ALPK3: variants seen among roughly 807,000 people sequenced by gnomAD.
The protein encoded by ALPK3 is alpha kinase 3, also known as alpha-protein kinase 3.
Under a neutral mutation model 140.0 loss-of-function variants are expected in ALPK3, and 102 were observed. That is an observed-to-expected ratio of 0.73 (90% CI 0.62 to 0.86). The LOEUF (loss-of-function observed/expected upper bound fraction) is 0.86, where lower values mean the gene tolerates loss of function less well. Among genes scored for constraint, ALPK3 ranks in the 40% least tolerant of loss-of-function variants. The probability of loss-of-function intolerance (pLI) is 0.00; values close to 1 mark genes in which losing one functional copy is unlikely to be tolerated. For missense variants in ALPK3, 2,254 were observed against 2,208.2 expected, an observed-to-expected ratio of 1.02 and a Z score of -0.42; for synonymous variants, 938 against 898.5, an observed-to-expected ratio of 1.04 and a Z score of -0.79.
chr15:84,833,959 G>GTGTGTGT (rs1187603433), intron 3 of ALPK3, among the ~76,000 whole-genome samples: 4 of 128,802 alleles, frequency 3.1e-5, no homozygotes, highest in African/African-American at 1.1e-4. Flanking sequence ...ATTCTGTGTT[G>GTGTGTGT]TGTGTGTGTG....
Position 84,868,495 on chromosome 15 carries a change from C to T in ALPK3, c.*39C>T, listed in dbSNP as rs1964030318. 5.2e-6 allele frequency: 8 copies of T among 1,546,042 alleles called. No homozygotes were observed. Among genetic ancestry groups the T allele is most frequent in the Non-Finnish European group, 5.2e-6 (6 of 1,146,800 alleles). On this transcript the variant is annotated 3_prime_UTR_variant, in exon 14 of 14. Transcript: ENST00000258888. ...TGGGGGCCTCCACCCAGCAGCAGAC[C>T]AACCAGGAAGCAGCTTGAACTGGAT...
At chr15:84,828,675 G>A (rs1158344083) in intron 3 of ALPK3, among the ~76,000 whole-genome samples, 1 of 152,230 alleles carries the variant, frequency 6.6e-6, no homozygotes, top group Non-Finnish European at 1.5e-5. Context: ...CGACATAGGT[G>A]TGCATCCCAT....
intron 3 of ALPK3, among the ~76,000 whole-genome samples, chr15:84,838,777 G>A (rs1000681519): frequency 3.9e-5 from 6 of 151,916 alleles, no homozygotes; most frequent in Non-Finnish European, 5.9e-5. Context: ...CCGCCACCAC[G>A]TCCGGGTAAT....
chr15:84,856,285 C>T, intron 5 of ALPK3, 107 bp from the exon 6 acceptor site: 1 of 1,462,036 alleles, frequency 6.8e-7, no homozygotes, highest in Non-Finnish European at 9.2e-7. Context: ...GGCAAGATTC[C>T]CATCAGAGCA....
rs115809074 is a variant in ALPK3, at chr15:84,853,282, C to T, written c.1654-3110C>T. ...CAAGGCAGTTTTGTCTGTTAATATC[C>T]GGTTGTCAGAGAAGTTGGAAGAGCA... On this transcript the variant is annotated intron_variant, in intron 5 of 13. Coordinates refer to ENST00000258888, the MANE Select transcript of ALPK3 (RefSeq NM_020778.5). Among the ~76,000 whole-genome samples the T allele has an allele frequency of 5.2e-3, 792 of 152,180 alleles. 9 individuals carry two copies. Among genetic ancestry groups the T allele is most frequent in the African/African-American group, 0.018 (749 of 41,522 alleles).
At chr15:84,867,430 C>G in intron 13 of ALPK3, 65 bp downstream of exon 13, 1 of 1,582,034 alleles carries the variant, frequency 6.3e-7, no homozygotes, top group Non-Finnish European at 8.7e-7. Context: ...TGTCCTAAGC[C>G]CTTCTGGTTC....
At chr15:84,863,015 C>T in intron 10 of ALPK3, 100 bp downstream of exon 10, 1 of 1,474,266 alleles carries the variant, frequency 6.8e-7, no homozygotes, top group Non-Finnish European at 9.2e-7. Flanking sequence ...AGGCAGAAGG[C>T]ATCTCAGTCT....
chr15:84,857,308 TAGC>T lies in ALPK3; in HGVS notation c.2571_2573del (p.Ala858del), dbSNP rs1963876658. 2 of 1,613,976 alleles carry T rather than the reference TAGC, an allele frequency of 1.2e-6. No individual in the cohort carries two copies. Among genetic ancestry groups the T allele is most frequent in the Non-Finnish European group, 1.7e-6 (2 of 1,180,006 alleles). On this transcript the variant is annotated inframe_deletion, in exon 6 of 14. Coordinates refer to ENST00000258888, the MANE Select transcript of ALPK3 (RefSeq NM_020778.5). Reference sequence around the variant, plus strand: ...TGTATGGATCAGGGTGGCTGTCCTCTAGCTGGCCTGAGCCAGGAGGTACCCACG... The same window carrying T: ...TGTATGGATCAGGGTGGCTGTCCTCTTGGCCTGAGCCAGGAGGTACCCACG...
rs1282640807 is a variant in ALPK3, at chr15:84,852,697, C to T, written c.1654-3695C>T. 8 of 179,468 alleles carry T rather than the reference C, an allele frequency of 4.5e-5. No homozygotes were observed. In the East Asian group the frequency reaches 6.2e-4, roughly 14 times the overall value. The allele number at this position is 179,468 out of a possible 1,614,324, so 11.1% of individuals were successfully genotyped here. On this transcript the variant is annotated intron_variant, in intron 5 of 13. Transcript: ENST00000258888. ...GATTGGCCACAGTTAACTGAAACCA[C>T]GGAAAGCGAAACCGTGAATAAGAAG...
In ALPK3 at chr15:84,857,438, T is replaced by A. The variant is rs1963878861; in HGVS notation, c.2700T>A (p.Ser900=). Residue 900 remains serine (S), a synonymous_variant, in exon 6 of 14, where the codon TCT becomes TCA. Transcript: ENST00000258888. ...QHGSTATFLP[S]EDQVLMSSAP... ...GGAGCACAGCCACCTTCCTGCCCTCTGAGGATCAGGTCCTGATGAGTTCTG... is the reference window on the plus strand; with the variant it reads ...GGAGCACAGCCACCTTCCTGCCCTCAGAGGATCAGGTCCTGATGAGTTCTG... 6.2e-7 allele frequency: 1 copy of A among 1,613,946 alleles called. No individual in the cohort carries two copies. Among genetic ancestry groups the A allele is most frequent in the East Asian group, 2.2e-5 (1 of 44,880 alleles).
At chr15:84,847,176 G>A (rs1460504380) in intron 5 of ALPK3, among the ~76,000 whole-genome samples, 3 of 142,632 alleles carry the variant, frequency 2.1e-5, no homozygotes, top group Non-Finnish European at 4.5e-5. Context: ...GCCCATACAC[G>A]CACAGAGAGA....
intron 2 of ALPK3, among the ~76,000 whole-genome samples, chr15:84,824,504 T>G (rs1333880860): frequency 2.0e-5 from 3 of 152,256 alleles, no homozygotes; most frequent in Admixed American, 6.5e-5. Flanking sequence ...AACTGGTTTC[T>G]AAATAGCTAA....
intron 3 of ALPK3, among the ~76,000 whole-genome samples, chr15:84,830,881 A>ATGTGTG (rs35473110): frequency 6.6e-6 from 1 of 151,008 alleles, no homozygotes. Flanking sequence ...GTGTGTGTGT[A>ATGTGTG]TGTGTGTGTG....
intron 5 of ALPK3, among the ~76,000 whole-genome samples, chr15:84,849,999 GAA>G (rs747151791): frequency 1.4e-5 from 1 of 72,856 alleles, no homozygotes; most frequent in African/African-American, 5.3e-5. Flanking sequence ...GCAAGACTTA[GAA>G]AAAAAAAAAA....
chr15:84,840,379 A>G lies in ALPK3; in HGVS notation c.1100A>G (p.Gln367Arg). 6.2e-7 allele frequency: 1 copy of G among 1,613,844 alleles called. No individual in the cohort carries two copies. The highest frequency in any genetic ancestry group is 8.5e-7 in the Non-Finnish European group (1 of 1,179,868). ...GGGCCCGTGGGCGTGGAGCAGGTTC[A>G]GACCCAGCCCAGAGGCAGGGCTGCA... ...TQGPVGVEQV[Q>R]TQPRGRAARG... Residue 367 changes from glutamine to arginine, a missense_variant, in exon 5 of 14, where the codon CAG becomes CGG. Coordinates refer to ENST00000258888, the MANE Select transcript of ALPK3 (RefSeq NM_020778.5).
intron 1 of ALPK3, among the ~76,000 whole-genome samples, chr15:84,822,325 C>T (rs1443574264): frequency 1.3e-5 from 2 of 151,892 alleles, no homozygotes; most frequent in Admixed American, 6.6e-5. Flanking sequence ...CCCAGGAGCC[C>T]GGGGTTAGGG....
intron 3 of ALPK3, among the ~76,000 whole-genome samples, chr15:84,828,818 G>A (rs867972693): frequency 3.3e-5 from 5 of 152,172 alleles, no homozygotes; most frequent in Non-Finnish European, 5.9e-5. Flanking sequence ...AGGCTGATGC[G>A]TTGCCAAAGT....
At chr15:84,847,208 G>GGAGAGAGAGAGAGAGA (rs55944419) in intron 5 of ALPK3, among the ~76,000 whole-genome samples, 10 of 116,638 alleles carry the variant, frequency 8.6e-5, no homozygotes, top group Admixed American at 1.8e-4. Context: ...GGAGAAACGG[G>GGAGAGAGAGAGAGAGA]GAGAGAGAGA....
Position 84,839,945 on chromosome 15 carries a change from G to A in ALPK3, c.666G>A (p.Gln222=). The part of the protein sequence containing the change: ...TLRKLSPDRF[Q]RKRRLSGAQA... ...GCAAGCTCAGCCCCGACCGCTTCCA[G>A]CGAAAGCGGCGATTGAGCGGGGCTC... The change falls in exon 5 of 14, where the codon CAG becomes CAA. Residue 222 remains glutamine (Q), a synonymous_variant. Transcript: ENST00000258888. The A allele has an allele frequency of 6.2e-7, 1 of 1,613,580 alleles. No individual in the cohort carries two copies. Among genetic ancestry groups the A allele is most frequent in the African/African-American group, 1.3e-5 (1 of 75,064 alleles).
Sources: allele counts gnomAD v4.1 joint callset (sites outside exome capture counted in the v4.1 genomes callset), GRCh38; gene constraint gnomAD v4.1.1; transcripts MANE v1.5; gene names NCBI Gene and HGNC (gene_info 2026-07-23, HGNC 2026-07-21).